The following NRBP1 variants were observed in gnomAD, a reference collection of about 807,000 sequenced individuals.
NRBP1 encodes nuclear receptor-binding protein.
NRBP1 carries 10 observed loss-of-function variants against 76.0 expected under a neutral mutation model. The observed-to-expected ratio is 0.13, with a 90% CI of 0.08 to 0.22. The LOEUF (loss-of-function observed/expected upper bound fraction) is 0.22. Ranked by LOEUF, NRBP1 falls within the 10% of genes least tolerant of loss-of-function variation. The pLI is 1.00. For missense variants in NRBP1, 344 were observed against 646.0 expected (o/e 0.53, Z 5.07); for synonymous variants, 235 against 240.2 (o/e 0.98, Z 0.20).
chr2:27,434,852 G>T lies in NRBP1; in HGVS notation c.566+90G>T, dbSNP rs539187272. 481 of 1,315,676 alleles carry T rather than the reference G, an allele frequency of 3.7e-4. No individual in the cohort carries two copies. The African/African-American group carries it at 6.2e-3, about 17-fold the overall frequency. The allele number at this position is 1,315,676 out of a possible 1,614,324, so 81.5% of individuals were successfully genotyped here. A position where few individuals can be genotyped will look rare whatever the true frequency, so the allele number is the denominator to read the frequency against. ...GGGCACTACTCTTCTGTTCTATTCTGCCTCTCCCCACTTTCTTTGAATCAT... is the reference window on the plus strand; with the variant it reads ...GGGCACTACTCTTCTGTTCTATTCTTCCTCTCCCCACTTTCTTTGAATCAT... On this transcript the variant is annotated intron_variant, in intron 6 of 17. Coordinates refer to ENST00000379852, the MANE Select transcript of NRBP1 (RefSeq NM_013392.4).
At chr2:27,437,508 G>C in intron 10 of NRBP1, 148 bp downstream of exon 10, 1 of 648,764 alleles carries the variant, frequency 1.5e-6, no homozygotes, top group South Asian at 1.9e-5. Context: ...TTCTTAGGAG[G>C]TGCCTACCAT....
At position 27,441,247 on chromosome 2, in the gene NRBP1, C is replaced by T; in HGVS notation, c.1384-20C>T. On this transcript the variant is annotated intron_variant, in intron 15 of 17. Coordinates refer to ENST00000379852, the MANE Select transcript of NRBP1 (RefSeq NM_013392.4). ...GGGTAGGGAAGAAAAGTCTCATTTT[C>T]TGACTGTCCTATTCTCCAGCTGACA... 6.2e-7 allele frequency: 1 copy of T among 1,614,058 alleles called. No homozygotes were observed. The highest frequency in any genetic ancestry group is 8.5e-7 in the Non-Finnish European group (1 of 1,179,980).
chr2:27,437,336 G>C lies in NRBP1; in HGVS notation c.879G>C (p.Gln293His), dbSNP rs147955632. The C allele has an allele frequency of 5.0e-6, 8 of 1,613,530 alleles. No individual in the cohort carries two copies. In the African/African-American group the frequency reaches 1.1e-4, roughly 22 times the overall value. ...VPQEAISSAIQLLEDPLQREF... is the reference protein window; with the variant it reads ...VPQEAISSAIHLLEDPLQREF... The stretch of plus-strand genomic sequence containing the variant: ...AGGAAGCCATCAGCAGTGCCATCCA[G>C]CTTCTAGAAGACCCATTACAGAGGG... The change falls in exon 10 of 18, where the codon CAG (glutamine) becomes CAC (histidine). Residue 293 changes from glutamine to histidine, a missense_variant. Physicochemically the swap from Gln to His is conservative, Grantham distance 24 (BLOSUM62 0). Around this residue, in one of 3 missense-constraint regions of NRBP1, gnomAD observed 218 missense variants for 309.8 expected, o/e 0.70. Transcript: ENST00000379852.
In NRBP1 at chr2:27,433,665, C is replaced by A. The variant is rs201096396; in HGVS notation, c.211-8C>A. 3.7e-6 allele frequency: 6 copies of A among 1,614,076 alleles called. No homozygotes were observed. The Admixed American group carries it at 5.0e-5, about 13-fold the overall frequency. On this transcript the variant is annotated splice_polypyrimidine_tract_variant and splice_region_variant and intron_variant, in intron 2 of 17. Coordinates refer to ENST00000379852, the MANE Select transcript of NRBP1 (RefSeq NM_013392.4). Reference sequence around the variant, plus strand: ...GTTTAATTCTCTTTCATATGAATTTCTTCTCAGGTGAATCAACGGAATGTA... The same window carrying A: ...GTTTAATTCTCTTTCATATGAATTTATTCTCAGGTGAATCAACGGAATGTA...
At chr2:27,440,377 A>G (rs1289255610) in intron 11 of NRBP1, 26 bp from the exon 12 acceptor site, 3 of 1,457,588 alleles carry the variant, frequency 2.1e-6, no homozygotes, top group Non-Finnish European at 2.9e-6. Context: ...TCCCTTCATA[A>G]TATCCCACTC....
intron 14 of NRBP1, 86 bp downstream of exon 14, chr2:27,441,026 A>G (rs1163556491): frequency 1.9e-6 from 3 of 1,608,242 alleles, no homozygotes; most frequent in Non-Finnish European, 2.5e-6. Context: ...TCCTTTAGAG[A>G]AAATGCTCCC....
At chr2:27,434,820 G>C in intron 6 of NRBP1, 58 bp downstream of exon 6, 1 of 1,517,162 alleles carries the variant, frequency 6.6e-7, no homozygotes. Flanking sequence ...ACTCCAAACA[G>C]ATTTCAGGGC....
intron 13 of NRBP1, 41 bp downstream of exon 13, chr2:27,440,743 G>A: frequency 6.2e-7 from 1 of 1,614,148 alleles, no homozygotes; most frequent in Non-Finnish European, 8.5e-7. Flanking sequence ...GAGGAAGCAG[G>A]CGGGGTTGGG....
Position 27,440,468 on chromosome 2 carries a change from G to A in NRBP1, c.1102G>A (p.Glu368Lys). The A allele has an allele frequency of 6.2e-7, 1 of 1,614,126 alleles. No individual in the cohort carries two copies. The highest frequency in any genetic ancestry group is 8.5e-7 in the Non-Finnish European group (1 of 1,179,988). The change falls in exon 12 of 18, where the codon GAA becomes AAA. Residue 368 changes from glutamate to lysine, a missense_variant. Glu to Lys is a moderately conservative substitution (Grantham distance 56, BLOSUM62 1). This residue lies in a region of NRBP1 where 218 missense variants were observed against 309.8 expected (regional missense o/e 0.70). Coordinates refer to ENST00000379852, the MANE Select transcript of NRBP1 (RefSeq NM_013392.4). ...KNMDTSAVLA[E>K]IPAGPGREPV... ...CATGGATACTAGTGCCGTACTGGCT[G>A]AAATCCCTGCAGGACCAGGAAGAGA... is the stretch of plus-strand genomic sequence containing the variant.
intron 1 of NRBP1, among the ~76,000 whole-genome samples, chr2:27,431,427 G>T (rs1664111593): frequency 6.6e-6 from 1 of 152,180 alleles, no homozygotes. Context: ...TTGAATTTGT[G>T]GCTGCTTGAA....
rs1664347140 is a variant in NRBP1 at position 27,437,372 on chromosome 2, C to T, written c.903+12C>T. On this transcript the variant is annotated intron_variant, in intron 10 of 17. Transcript: ENST00000379852. ...ACCCATTACAGAGGGTAAGGATCTT[C>T]AGGATCACTCCCTCCTCAACTGACC... 1.9e-6 allele frequency: 3 copies of T among 1,586,550 alleles called. No individual in the cohort carries two copies. The highest frequency in any genetic ancestry group is 1.3e-5 in the African/African-American group (1 of 74,402).
Position 27,441,834 on chromosome 2 carries a change from G to C in NRBP1, c.*22G>C, listed in dbSNP as rs1664586151. On this transcript the variant is annotated 3_prime_UTR_variant, in exon 18 of 18. Transcript: ENST00000379852. ...TTAGAGCTCACTCGGGCCAGGCCCT[G>C]ATCTGCGCTGTGGCTGTCCCTGGAC... 1 of 1,481,958 alleles carries C rather than the reference G, an allele frequency of 6.7e-7. No individual in the cohort carries two copies. Among genetic ancestry groups the C allele is most frequent in the Non-Finnish European group, 9.4e-7 (1 of 1,064,164 alleles). The allele number at this position is 1,481,958 out of a possible 1,614,324, so 91.8% of individuals were successfully genotyped here. A position where few individuals can be genotyped will look rare whatever the true frequency, so the allele number is the denominator to read the frequency against.
At chr2:27,435,696 G>T in intron 7 of NRBP1, 1 of 717,556 alleles carries the variant, frequency 1.4e-6, no homozygotes, top group East Asian at 2.7e-5. Context: ...CCTCCCTCCC[G>T]CTTACGGGCT....
chr2:27,441,671 C>T (rs1664570469), intron 17 of NRBP1, 37 bp from the exon 18 acceptor site: 1 of 1,611,588 alleles, frequency 6.2e-7, no homozygotes, highest in Admixed American at 1.7e-5. Flanking sequence ...GCCTTCTCTT[C>T]TCTCAGCCCC....
intron 1 of NRBP1, among the ~76,000 whole-genome samples, chr2:27,430,859 TA>T (rs1404892793): frequency 2.0e-5 from 3 of 152,208 alleles, no homozygotes. Context: ...GAAATAACAT[TA>T]AGTGGTTGTC....
chr2:27,437,490 T>C (rs1664351245), intron 10 of NRBP1, 130 bp downstream of exon 10: 1 of 692,972 alleles, frequency 1.4e-6, no homozygotes, highest in East Asian at 2.7e-5. Flanking sequence ...GAAAAATCTA[T>C]AAACATTTTC....
upstream of NRBP1, chr2:27,428,489 A>C: frequency 2.5e-6 from 1 of 393,354 alleles, no homozygotes; most frequent in Non-Finnish European, 4.5e-6. Flanking sequence ...GCGCAAGGGG[A>C]GGAGAGCGGG....
intron 7 of NRBP1, chr2:27,435,590 G>A (rs1003510785): frequency 5.7e-6 from 4 of 704,044 alleles, no homozygotes; most frequent in Non-Finnish European, 1.1e-5. Flanking sequence ...ATTGTATGCA[G>A]TGTACAACAT....
chr2:27,441,700 TC>T lies in NRBP1; in HGVS notation c.1504-3del. 1 of 1,613,084 alleles carries T rather than the reference TC, an allele frequency of 6.2e-7. No homozygotes were observed. ...CAGCCCCCATCTTACTGAGCTCTTC[TC>T]CCCCAGGCTGACCAGAGCCGGTTGA... On this transcript the variant is annotated splice_polypyrimidine_tract_variant and splice_region_variant and intron_variant, in intron 17 of 17. Transcript: ENST00000379852.
Sources: allele counts gnomAD v4.1 joint callset (sites outside exome capture counted in the v4.1 genomes callset), GRCh38; gene constraint gnomAD v4.1.1; regional missense constraint gnomAD v4.1.1; transcripts MANE v1.5; gene names NCBI Gene and HGNC (gene_info 2026-07-23, HGNC 2026-07-21).